The following MBNL3 variants were observed in gnomAD, a reference collection of about 807,000 sequenced individuals.
MBNL3 encodes the protein muscleblind like splicing regulator 3.
Under a neutral mutation model 24.5 loss-of-function variants are expected in MBNL3, and 6 were observed. The observed-to-expected ratio is 0.25, with a 90% CI of 0.13 to 0.48. MBNL3 has a LOEUF of 0.48. MBNL3 is among the 20% of genes least tolerant of loss of function. MBNL3 has a pLI of 0.99. For missense variants in MBNL3, 230 were observed against 293.5 expected (o/e 0.78, Z 1.58); for synonymous variants, 100 against 101.7 (o/e 0.98, Z 0.10).
rs1934305591 is a variant in MBNL3 at position 132,378,093 on chromosome X, C to G, written c.*1573G>C. On this transcript the variant is annotated 3_prime_UTR_variant, in exon 9 of 9. Transcript: ENST00000370853. ...AGGGTGATAAAACCCTTTCTATTGT[C>G]ATTTTCAAACATATATAAAGGCAAA... The G allele has an allele frequency of 9.1e-6, 1 of 110,200 alleles. No homozygotes were observed. The highest frequency in any genetic ancestry group is 9.8e-5 in the Admixed American group (1 of 10,242). 9.1% of individuals were successfully genotyped at this position (110,200 alleles called of 1,213,427 possible). A position where few individuals can be genotyped will look rare whatever the true frequency, so the allele number is the denominator to read the frequency against.
chrX:132,410,693 T>C (rs1388741414), intron 2 of MBNL3, among the ~76,000 whole-genome samples: 2 of 112,485 alleles, frequency 1.8e-5, no homozygotes, highest in African/African-American at 6.5e-5. Context: ...ATTCTGATGA[T>C]AGTGCCCCAC....
intron 1 of MBNL3, among the ~76,000 whole-genome samples, chrX:132,456,189 C>T (rs757009374): frequency 1.2e-4 from 14 of 112,153 alleles, no homozygotes; most frequent in Non-Finnish European, 2.1e-4. Flanking sequence ...CCTGTGTTTA[C>T]CTCTGTGAGC....
At position 132,379,149 on chromosome X, in the gene MBNL3, G is replaced by C. The variant is rs941757537; in HGVS notation, c.*517C>G. ...TGAAATCAAACACCACACATATACA[G>C]CAAAACACTACAGTATGTAAAAACC... On this transcript the variant is annotated 3_prime_UTR_variant, in exon 9 of 9. Coordinates refer to ENST00000370853, the MANE Select transcript of MBNL3 (RefSeq NM_001386889.1). 1.8e-5 allele frequency: 2 copies of C among 112,296 alleles called. No homozygotes were observed. Among genetic ancestry groups the C allele is most frequent in the African/African-American group, 6.5e-5 (2 of 30,750 alleles). 9.3% of individuals were successfully genotyped at this position (112,296 alleles called of 1,213,427 possible). A position where few individuals can be genotyped will look rare whatever the true frequency, so the allele number is the denominator to read the frequency against.
chrX:132,445,440 GA>G (rs898282747), intron 1 of MBNL3, among the ~76,000 whole-genome samples: 11 of 106,755 alleles, frequency 1.0e-4, no homozygotes, highest in African/African-American at 2.0e-4. Flanking sequence ...CTTCTGTCCA[GA>G]AAAAAAAAAT....
rs1934141662 is a variant in MBNL3 at position 132,376,310 on chromosome X, G to C, written c.*3356C>G. Reference sequence around the variant, plus strand: ...GTGGAATCATGCTTCAATTACAAAAGTAAATACTGTATTTAAATAGCAATT... The same window carrying C: ...GTGGAATCATGCTTCAATTACAAAACTAAATACTGTATTTAAATAGCAATT... On this transcript the variant is annotated 3_prime_UTR_variant, in exon 9 of 9. Transcript: ENST00000370853. 9.0e-6 allele frequency: 1 copy of C among 111,707 alleles called. No individual in the cohort carries two copies. Among genetic ancestry groups the C allele is most frequent in the Non-Finnish European group, 1.9e-5 (1 of 52,961 alleles). 9.2% of individuals were successfully genotyped at this position (111,707 alleles called of 1,213,427 possible).
In MBNL3 at chrX:132,392,147, A is replaced by C; in HGVS notation, c.530T>G (p.Leu177Arg). The C allele has an allele frequency of 8.3e-7, 1 of 1,198,605 alleles. No individual in the cohort carries two copies. The highest frequency in any genetic ancestry group is 1.1e-6 in the Non-Finnish European group (1 of 888,475). ...TATATATATGTTCACAAATACCTCC[A>C]GTTTATCTGAACGCATCAGTTTTGG... ...VGPKLMRSDK[L>R]EVCREFQRGN... The change falls in exon 4 of 9, where the codon CTG becomes CGG. Residue 177 changes from leucine to arginine, a missense_variant. Leu to Arg is a moderately radical substitution (Grantham distance 102, BLOSUM62 -2). Transcript: ENST00000370853.
intron 1 of MBNL3, among the ~76,000 whole-genome samples, chrX:132,461,926 A>G (rs984722891): frequency 8.9e-6 from 1 of 112,103 alleles, no homozygotes; most frequent in African/African-American, 3.2e-5. Flanking sequence ...TAGGAAGTTG[A>G]GTAGTTCAAT....
intron 2 of MBNL3, among the ~76,000 whole-genome samples, chrX:132,422,133 G>A (rs771225065): frequency 0.014 from 1,503 of 109,613 alleles, 19 homozygotes; most frequent in African/African-American, 0.047. Flanking sequence ...TACTATGTGT[G>A]TGTGTGTGTG....
Position 132,377,806 on chromosome X carries a change from A to ATT in MBNL3, c.*1858_*1859dup, listed in dbSNP as rs1038695356. On this transcript the variant is annotated 3_prime_UTR_variant, in exon 9 of 9. Transcript: ENST00000370853. ...GTCATTTTCATGAAGGAGAAAAACC[A>ATT]TTATATATATATATATATATGTATA... 4 of 107,899 alleles carry ATT rather than the reference A, an allele frequency of 3.7e-5. No homozygotes were observed. The highest frequency in any genetic ancestry group is 5.7e-5 in the Non-Finnish European group (3 of 52,208). 8.9% of individuals were successfully genotyped at this position (107,899 alleles called of 1,213,427 possible).
chrX:132,414,482 G>A lies in MBNL3; in HGVS notation c.178-8090C>T, dbSNP rs752251159. ...CCACAGACAACTAATCCCAAGAGAG[G>A]AACCTCAAAAGCTGGGTTCACTGGT... On this transcript the variant is annotated intron_variant, in intron 2 of 8. Transcript: ENST00000370853. Among the ~76,000 whole-genome samples, 11 of 111,871 alleles carry A rather than the reference G, an allele frequency of 9.8e-5. No individual in the cohort carries two copies. In the South Asian group the frequency reaches 4.1e-3, roughly 42 times the overall value.
intron 2 of MBNL3, among the ~76,000 whole-genome samples, chrX:132,424,720 A>G (rs1011841016): frequency 1.8e-5 from 2 of 109,611 alleles, no homozygotes; most frequent in African/African-American, 6.6e-5. Context: ...GCCTTTCTCA[A>G]TGGGTGTCTC....
chrX:132,392,874 G>A (rs1162533653), intron 3 of MBNL3, among the ~76,000 whole-genome samples: 1 of 111,569 alleles, frequency 9.0e-6, no homozygotes, highest in Non-Finnish European at 1.9e-5. Flanking sequence ...AACACAGCAA[G>A]GAGTTGAGGA....
chrX:132,411,198 T>C, intron 2 of MBNL3: 6 of 754,448 alleles, frequency 8.0e-6, no homozygotes, highest in Non-Finnish European at 9.4e-6. Context: ...ACCTTCTTCA[T>C]GCTGTCCCAA....
At chrX:132,397,166 A>C (rs1483225005) in intron 3 of MBNL3, among the ~76,000 whole-genome samples, 1 of 107,267 alleles carries the variant, frequency 9.3e-6, no homozygotes, top group Non-Finnish European at 1.9e-5. Flanking sequence ...ATGGGGAAAT[A>C]GTAGTTGGAA....
chrX:132,380,799 G>T (rs1005046366), intron 8 of MBNL3, among the ~76,000 whole-genome samples: 2 of 110,108 alleles, frequency 1.8e-5, no homozygotes, highest in African/African-American at 6.6e-5. Flanking sequence ...TGTGTGCCAT[G>T]ATGGGCACCA....
At position 132,439,461 on chromosome X, in the gene MBNL3, C is replaced by T. The variant is rs768884132; in HGVS notation, c.151G>A (p.Val51Met). The T allele has an allele frequency of 1.3e-5, 16 of 1,205,533 alleles. No homozygotes were observed. In the Admixed American group the frequency reaches 3.3e-4, roughly 25 times the overall value. The change falls in exon 2 of 9, where the codon GTG becomes ATG. Residue 51 changes from valine (V) to methionine (M), a missense_variant. Val to Met is a conservative substitution (Grantham distance 21). Coordinates refer to ENST00000370853, the MANE Select transcript of MBNL3 (RefSeq NM_001386889.1). ...PRVCHVENGRVVACFDSLKGR... is the reference protein window; with the variant it reads ...PRVCHVENGRMVACFDSLKGR... ...TTTAGAGAATCAAAACAGGCCACCACACGACCATTTTCCACATGGCAAACT... is the reference window on the plus strand; with the variant it reads ...TTTAGAGAATCAAAACAGGCCACCATACGACCATTTTCCACATGGCAAACT...
intron 2 of MBNL3, among the ~76,000 whole-genome samples, chrX:132,421,810 A>G (rs942031209): frequency 8.9e-6 from 1 of 111,743 alleles, no homozygotes; most frequent in East Asian, 2.8e-4. Flanking sequence ...GGGTACTGTT[A>G]TATTTTACTT....
chrX:132,390,267 A>C (rs1230008239), intron 5 of MBNL3, among the ~76,000 whole-genome samples: 8 of 6,980 alleles, frequency 1.1e-3, no homozygotes, highest in African/African-American at 4.7e-3. Flanking sequence ...AACAACAACA[A>C]AAAAAAAAAA....
At chrX:132,474,349 A>T (rs1159852782) in intron 1 of MBNL3, among the ~76,000 whole-genome samples, 1 of 111,704 alleles carries the variant, frequency 9.0e-6, no homozygotes, top group Non-Finnish European at 1.9e-5. Context: ...CTGTAAAAAG[A>T]TGTCAGTCAC....
Sources: gnomAD v4.1 joint callset for allele counts (sites outside exome capture counted in the v4.1 genomes callset) on GRCh38, gnomAD v4.1.1 for gene constraint, MANE v1.5 for transcripts, NCBI Gene and HGNC (gene_info 2026-07-23, HGNC 2026-07-21) for gene names.